Variants in TRIM72 observed in about 807,000 individuals in gnomAD.
The protein encoded by TRIM72 is tripartite motif containing 72.
Under a neutral mutation model 31.6 loss-of-function variants are expected in TRIM72, and 33 were observed. The ratio of observed to expected loss-of-function variants is 1.04; its 90% confidence interval spans 0.79 to 1.40. TRIM72 has a LOEUF of 1.40. TRIM72 is among the 40% of genes most tolerant of loss of function. The pLI is 0.00. For missense variants in TRIM72, 666 were observed against 682.7 expected (o/e 0.98, Z 0.27); for synonymous variants, 301 against 314.4 (o/e 0.96, Z 0.45).
chr16:31,224,809 C>T lies in TRIM72; in HGVS notation c.*54C>T. 4 of 1,406,690 alleles carry T rather than the reference C, an allele frequency of 2.8e-6. No homozygotes were observed. The highest frequency in any genetic ancestry group is 1.5e-5 in the African/African-American group (1 of 67,548). The allele number at this position is 1,406,690 out of a possible 1,614,324, so 87.1% of individuals were successfully genotyped here. A position where few individuals can be genotyped will look rare whatever the true frequency, so the allele number is the denominator to read the frequency against. On this transcript the variant is annotated 3_prime_UTR_variant, in exon 7 of 7. Coordinates refer to ENST00000322122, the MANE Select transcript of TRIM72 (RefSeq NM_001008274.4). Reference sequence around the variant, plus strand: ...GGGGCCTGGGTTGAAGCTTAGGTCTCCTTGGTCGGGTCTGACGGGAGAAGG... The same window carrying T: ...GGGGCCTGGGTTGAAGCTTAGGTCTTCTTGGTCGGGTCTGACGGGAGAAGG...
rs2079567798 is a variant in TRIM72 at position 31,230,857 on chromosome 16, C to T, written c.*6102C>T. ...TATCCTCCTCAACCTCTTGGTCTCTCTGATTCCTAAATTATCCCACTGCAG... is the reference window on the plus strand; with the variant it reads ...TATCCTCCTCAACCTCTTGGTCTCTTTGATTCCTAAATTATCCCACTGCAG... On this transcript the variant is annotated 3_prime_UTR_variant, in exon 7 of 7. Transcript: ENST00000322122. 6.6e-6 allele frequency: 1 copy of T among 151,984 alleles called. No individual in the cohort carries two copies. Among genetic ancestry groups the T allele is most frequent in the Non-Finnish European group, 1.5e-5 (1 of 68,024 alleles). 9.4% of individuals were successfully genotyped at this position (151,984 alleles called of 1,614,324 possible). A position where few individuals can be genotyped will look rare whatever the true frequency, so the allele number is the denominator to read the frequency against.
chr16:31,219,430 G>A lies in TRIM72; in HGVS notation c.628G>A (p.Gly210Arg), dbSNP rs750748445. The A allele has an allele frequency of 2.5e-6, 4 of 1,613,192 alleles. No individual in the cohort carries two copies. The African/African-American group carries it at 5.3e-5, about 22-fold the overall frequency. ...AGGGGTCGCCTTGCGCCGGGAGCTGGGGAGCCTGAACTCTTACCTGGAGCA... is the reference window on the plus strand; with the variant it reads ...AGGGGTCGCCTTGCGCCGGGAGCTGAGGAGCCTGAACTCTTACCTGGAGCA... The part of the protein sequence containing the change: ...EAGVALRREL[G>R]SLNSYLEQLR... The change falls in exon 4 of 7, where the codon GGG becomes AGG. Residue 210 changes from glycine to arginine, a missense_variant. Coordinates refer to ENST00000322122, the MANE Select transcript of TRIM72 (RefSeq NM_001008274.4). The surrounding 1 kb of genome is among the most constrained non-coding windows in gnomAD (Gnocchi z 4.2).
Position 31,219,225 on chromosome 16 carries a change from G to T in TRIM72, c.486+35G>T. On this transcript the variant is annotated intron_variant, in intron 3 of 6. Transcript: ENST00000322122. The surrounding 1 kb of genome is among the most constrained non-coding windows in gnomAD (Gnocchi z 4.2). ...TCACAGGGCCATGTCTGAGGGCTGG[G>T]GGCCAGGCTAGGGGTCTCCAGCCAA... 2 of 1,613,898 alleles carry T rather than the reference G, an allele frequency of 1.2e-6. No homozygotes were observed. Among genetic ancestry groups the T allele is most frequent in the Non-Finnish European group, 1.7e-6 (2 of 1,179,796 alleles).
rs2079545810 is a variant in TRIM72, at chr16:31,224,274, C to G, written c.953C>G (p.Ala318Gly). 3 of 1,603,386 alleles carry G rather than the reference C, an allele frequency of 1.9e-6. No homozygotes were observed. The highest frequency in any genetic ancestry group is 2.7e-5 in the African/African-American group (2 of 74,922). ...CGCGTGGAGTGCTCGGAGCAGAAGG[C>G]GCCGCCGGCCGGGGAGGACCCGCGC... ...GRRVECSEQK[A>G]PPAGEDPRQF... Residue 318 changes from alanine to glycine, a missense_variant, in exon 7 of 7, where the codon GCG becomes GGG. Coordinates refer to ENST00000322122, the MANE Select transcript of TRIM72 (RefSeq NM_001008274.4).
intron 2 of TRIM72, chr16:31,217,001 T>A: frequency 6.2e-7 from 1 of 1,613,734 alleles, no homozygotes; most frequent in South Asian, 1.1e-5. Flanking sequence ...TCCAGCACCT[T>A]CAGGATGGCC....
Position 31,215,492 on chromosome 16 carries a change from A to G in TRIM72, c.390+364A>G, listed in dbSNP as rs374311179. Among the ~76,000 whole-genome samples the G allele has an allele frequency of 6.6e-6, 1 of 152,184 alleles. No homozygotes were observed. Among genetic ancestry groups the G allele is most frequent in the African/African-American group, 2.4e-5 (1 of 41,456 alleles). ...ACCAGCCCCTGCGGCCCACGCTCGC[A>G]TTCCTGCACCCGGTGGGCCGTTCGG... On this transcript the variant is annotated intron_variant, in intron 2 of 6. Transcript: ENST00000322122. The surrounding 1 kb of genome is among the most constrained non-coding windows in gnomAD (Gnocchi z 6.3).
intron 2 of TRIM72, among the ~76,000 whole-genome samples, 157 bp from the exon 3 acceptor site, chr16:31,218,938 G>A (rs2079521247): frequency 6.6e-6 from 1 of 152,116 alleles, no homozygotes; most frequent in Admixed American, 6.6e-5. Context: ...AGTAGCACTG[G>A]CTGGGGCTGG....
Position 31,224,227 on chromosome 16 carries a change from G to T in TRIM72, c.906G>T (p.Leu302=), listed in dbSNP as rs58585879. The T allele has an allele frequency of 1.5e-4, 240 of 1,604,854 alleles. No individual in the cohort carries two copies. Among genetic ancestry groups the T allele is most frequent in the East Asian group, 9.8e-4 (44 of 44,876 alleles). ...ACCCGAGCTCTGCGCACCCGAGCCTGGTGGTGTCTTCCTCTGGCCGCCGCG... is the reference window on the plus strand; with the variant it reads ...ACCCGAGCTCTGCGCACCCGAGCCTTGTGGTGTCTTCCTCTGGCCGCCGCG... The part of the protein sequence containing the change: ...TFDPSSAHPS[L]VVSSSGRRVE... Residue 302 remains leucine (L), a synonymous_variant, in exon 7 of 7, where the codon CTG becomes CTT. Coordinates refer to ENST00000322122, the MANE Select transcript of TRIM72 (RefSeq NM_001008274.4).
Position 31,224,355 on chromosome 16 carries a change from A to G in TRIM72, c.1034A>G (p.His345Arg), listed in dbSNP as rs1223108582. 2 of 1,546,662 alleles carry G rather than the reference A, an allele frequency of 1.3e-6. No individual in the cohort carries two copies. The highest frequency in any genetic ancestry group is 8.7e-7 in the Non-Finnish European group (1 of 1,153,106). ...VAHQQLSEGE[H>R]YWEVDVGDKP... ...CACCAGCAGCTCTCCGAGGGCGAGC[A>G]CTACTGGGAGGTGGATGTTGGCGAC... The change falls in exon 7 of 7, where the codon CAC (histidine) becomes CGC (arginine). Residue 345 changes from histidine (H) to arginine (R), a missense_variant. By Grantham distance (29) the His-to-Arg change is conservative. Coordinates refer to ENST00000322122, the MANE Select transcript of TRIM72 (RefSeq NM_001008274.4).
In TRIM72 at chr16:31,224,699, A is replaced by G. The variant is rs1196380044; in HGVS notation, c.1378A>G (p.Lys460Glu). Residue 460 changes from lysine to glutamate, a missense_variant, in exon 7 of 7, where the codon AAG (lysine) becomes GAG (glutamate). Physicochemically the swap from Lys to Glu is moderately conservative, Grantham distance 56. Transcript: ENST00000322122. Reference sequence around the variant, plus strand: ...CTTCTTCGACGTGTGCTGGCACGACAAGGGCAAGAATGCCCAGCCGCTGCT... The same window carrying G: ...CTTCTTCGACGTGTGCTGGCACGACGAGGGCAAGAATGCCCAGCCGCTGCT... ...YPFFDVCWHD[K>E]GKNAQPLLLV... 1.3e-6 allele frequency: 2 copies of G among 1,538,170 alleles called. No individual in the cohort carries two copies. The highest frequency in any genetic ancestry group is 2.8e-5 in the African/African-American group (2 of 72,600).
chr16:31,229,740 G>A lies in TRIM72; in HGVS notation c.*4985G>A, dbSNP rs1008446169. The A allele has an allele frequency of 1.3e-5, 2 of 152,138 alleles. No individual in the cohort carries two copies. Among genetic ancestry groups the A allele is most frequent in the African/African-American group, 4.8e-5 (2 of 41,420 alleles). 9.4% of individuals were successfully genotyped at this position (152,138 alleles called of 1,614,324 possible). On this transcript the variant is annotated 3_prime_UTR_variant, in exon 7 of 7. Coordinates refer to ENST00000322122, the MANE Select transcript of TRIM72 (RefSeq NM_001008274.4). ...TTCCTGTGTTTCCTGACATCTTTAGGTAGCATAATAGCAAACTTGAACCTG... is the reference window on the plus strand; with the variant it reads ...TTCCTGTGTTTCCTGACATCTTTAGATAGCATAATAGCAAACTTGAACCTG...
At chr16:31,222,685 C>G in intron 5 of TRIM72, 142 bp from the exon 6 acceptor site, 1 of 562,014 alleles carries the variant, frequency 1.8e-6, no homozygotes, top group South Asian at 2.4e-5. Flanking sequence ...CAGTGTTTAT[C>G]TCCAGAATTT....
chr16:31,221,590 CTGGGGAGAAGGGCAT>C (rs1463600296), intron 5 of TRIM72, among the ~76,000 whole-genome samples: 1 of 96,066 alleles, frequency 1.0e-5, no homozygotes, highest in Non-Finnish European at 2.0e-5. Flanking sequence ...AAGGGCATTG[CTGGGGAGAAGGGCAT>C]TGGGAGAAGG....
chr16:31,214,984 G>T lies in TRIM72; in HGVS notation c.246G>T (p.Pro82=). The change falls in exon 2 of 7, where the codon CCG becomes CCT. Residue 82 remains proline (P), a synonymous_variant. Transcript: ENST00000322122. ...ARLVEGLAQV[P]QGHCEEHLDP... is the part of the protein sequence containing the mutation. ...TGGTGGAGGGGCTGGCCCAGGTGCC[G>T]CAGGGCCACTGCGAGGAGCACCTGG... is the stretch of plus-strand genomic sequence containing the variant. 1.3e-6 allele frequency: 2 copies of T among 1,493,656 alleles called. No individual in the cohort carries two copies. Among genetic ancestry groups the T allele is most frequent in the South Asian group, 2.5e-5 (2 of 79,014 alleles). 92.5% of individuals were successfully genotyped at this position (1,493,656 alleles called of 1,614,324 possible).
rs776793661 is a variant in TRIM72 at position 31,224,149 on chromosome 16, C to A, written c.860-32C>A. The A allele has an allele frequency of 1.6e-5, 25 of 1,594,902 alleles. No homozygotes were observed. In the Admixed American group the frequency reaches 1.9e-4, roughly 12 times the overall value. ...GAGAAGACCCCAGCGAGGCAGAAAC[C>A]TAGGGTTTTCTGACCGTGTTCTCTC... On this transcript the variant is annotated intron_variant, in intron 6 of 6. Transcript: ENST00000322122.
Position 31,224,442 on chromosome 16 carries a change from C to T in TRIM72, c.1121C>T (p.Ala374Val), listed in dbSNP as rs774438318. The part of the protein sequence containing the change: ...AEAPRRGRLH[A>V]VPSQGLWLLG... ...GCCCCCCGCCGCGGGCGCCTGCACG[C>T]GGTGCCCTCGCAGGGCCTGTGGCTG... Residue 374 changes from alanine to valine, a missense_variant, in exon 7 of 7, where the codon GCG becomes GTG. Transcript: ENST00000322122. 7.0e-7 allele frequency: 1 copy of T among 1,436,008 alleles called. No individual in the cohort carries two copies. Among genetic ancestry groups the T allele is most frequent in the South Asian group, 1.5e-5 (1 of 68,086 alleles). 89.0% of individuals were successfully genotyped at this position (1,436,008 alleles called of 1,614,324 possible).
Position 31,215,277 on chromosome 16 carries a change from A to G in TRIM72, c.390+149A>G, listed in dbSNP as rs1017382370. On this transcript the variant is annotated intron_variant, in intron 2 of 6. Coordinates refer to ENST00000322122, the MANE Select transcript of TRIM72 (RefSeq NM_001008274.4). This position sits in a 1 kb window ranked among gnomAD's most constrained non-coding sequence, Gnocchi z 6.3. ...GGGGCGGGGGCGGGGCGAAGCAGCCAGGAAAGAGGGTCTGAGGAGCTTAAG... is the reference window on the plus strand; with the variant it reads ...GGGGCGGGGGCGGGGCGAAGCAGCCGGGAAAGAGGGTCTGAGGAGCTTAAG... 25 of 1,250,908 alleles carry G rather than the reference A, an allele frequency of 2.0e-5. No individual in the cohort carries two copies. The Admixed American group carries it at 4.8e-4, about 24-fold the overall frequency. 77.5% of individuals were successfully genotyped at this position (1,250,908 alleles called of 1,614,324 possible).
rs2079556607 is a variant in TRIM72 at position 31,226,860 on chromosome 16, A to T, written c.*2105A>T. On this transcript the variant is annotated 3_prime_UTR_variant, in exon 7 of 7. Transcript: ENST00000322122. ...TTCACGGGGAGGGTGTGCTGGCGGG[A>T]TGGGTGGAAGGGCCTGGGGCCCCGG... 1 of 152,052 alleles carries T rather than the reference A, an allele frequency of 6.6e-6. No individual in the cohort carries two copies. Among genetic ancestry groups the T allele is most frequent in the South Asian group, 2.1e-4 (1 of 4,770 alleles). The allele number at this position is 152,052 out of a possible 1,614,324, so 9.4% of individuals were successfully genotyped here. A position where few individuals can be genotyped will look rare whatever the true frequency, so the allele number is the denominator to read the frequency against.
At chr16:31,224,080 G>A in intron 6 of TRIM72, 101 bp from the exon 7 acceptor site, 3 of 1,369,828 alleles carry the variant, frequency 2.2e-6, no homozygotes, top group Middle Eastern at 1.8e-4. Flanking sequence ...GAGCAGAGAT[G>A]CCAAGAGGAT....
Sources: allele counts gnomAD v4.1 joint callset (sites outside exome capture counted in the v4.1 genomes callset), GRCh38; gene constraint gnomAD v4.1.1; non-coding constraint Gnocchi (gnomAD v3.1); transcripts MANE v1.5; gene names NCBI Gene and HGNC (gene_info 2026-07-23, HGNC 2026-07-21).